The following CTNNA3 variants were observed in gnomAD, a reference collection of about 807,000 sequenced individuals.
The protein encoded by CTNNA3 is catenin alpha-3.
In CTNNA3, 76 loss-of-function variants were observed where a neutral mutation model predicts 95.7. That is an observed-to-expected ratio of 0.79 (90% CI 0.66 to 0.96). The LOEUF (loss-of-function observed/expected upper bound fraction) is 0.96. Among genes scored for constraint, CTNNA3 ranks in the 40% least tolerant of loss-of-function variants. CTNNA3 has a pLI of 0.00. For missense variants in CTNNA3, 1,191 were observed against 1,089.8 expected, an observed-to-expected ratio of 1.09 and a Z score of -1.31; for synonymous variants, 431 against 374.4, an observed-to-expected ratio of 1.15 and a Z score of -1.74.
At chr10:67,347,572 A>G (rs1842473994) in intron 5 of CTNNA3, among the ~76,000 whole-genome samples, 1 of 152,186 alleles carries the variant, frequency 6.6e-6, no homozygotes, top group Non-Finnish European at 1.5e-5. Flanking sequence ...GTATCCTTGT[A>G]GAATTTGAGT....
At chr10:67,187,796 G>A (rs1862928486) in intron 6 of CTNNA3, among the ~76,000 whole-genome samples, 1 of 152,084 alleles carries the variant, frequency 6.6e-6, no homozygotes, top group South Asian at 2.1e-4. Context: ...ATGTTGCCCA[G>A]GCTGGTCTCA....
chr10:67,524,289 G>A (rs539471692), intron 4 of CTNNA3, among the ~76,000 whole-genome samples: 9 of 151,652 alleles, frequency 5.9e-5, no homozygotes, highest in East Asian at 2.0e-4. Flanking sequence ...TGTAGTCCCC[G>A]CGGGAGGCTG....
At chr10:66,333,678 TGTG>T (rs1204948902) in intron 12 of CTNNA3, among the ~76,000 whole-genome samples, 4 of 151,734 alleles carry the variant, frequency 2.6e-5, no homozygotes, top group Admixed American at 1.3e-4. Context: ...ATAGGTGTGG[TGTG>T]GTGCTGAAAA....
At position 66,928,801 on chromosome 10, in the gene CTNNA3, C is replaced by A. The variant is rs552361916; in HGVS notation, c.1048-153277G>T. On this transcript the variant is annotated intron_variant, in intron 7 of 17. Coordinates refer to ENST00000433211, the MANE Select transcript of CTNNA3 (RefSeq NM_013266.4). The stretch of plus-strand genomic sequence containing the variant: ...GTAATCCCCCACATTCGCTGTTAGC[C>A]TCCTGGTGGGACCAAATCTACAGTT... Among the ~76,000 whole-genome samples, 8 of 152,246 alleles carry A rather than the reference C, an allele frequency of 5.3e-5. No individual in the cohort carries two copies. The South Asian group carries it at 1.7e-3, about 32-fold the overall frequency.
chr10:66,652,724 G>A (rs548159994), intron 9 of CTNNA3, among the ~76,000 whole-genome samples: 2 of 152,136 alleles, frequency 1.3e-5, no homozygotes, highest in South Asian at 4.2e-4. Context: ...GGTGAACATA[G>A]ATACAAATAT....
chr10:66,425,664 C>T (rs1376958019), intron 11 of CTNNA3, among the ~76,000 whole-genome samples: 1 of 149,076 alleles, frequency 6.7e-6, no homozygotes, highest in Admixed American at 6.8e-5. Context: ...GTGCTACATT[C>T]TTCATATAAA....
At chr10:66,327,148 T>C (rs1316233362) in intron 12 of CTNNA3, among the ~76,000 whole-genome samples, 1 of 152,066 alleles carries the variant, frequency 6.6e-6, no homozygotes, top group Non-Finnish European at 1.5e-5. Context: ...ACTAACTGAA[T>C]GTGACCCAGC....
At chr10:66,392,182 G>A (rs533797622) in intron 11 of CTNNA3, among the ~76,000 whole-genome samples, 11 of 152,224 alleles carry the variant, frequency 7.2e-5, no homozygotes, top group Admixed American at 5.2e-4. Flanking sequence ...TGTAATCCCA[G>A]CACTTTGGGA....
In CTNNA3 at chr10:67,606,938, CTAATAAATT is replaced by C; in HGVS notation, c.202_210del (p.Asn68_Leu70del). The stretch of plus-strand genomic sequence containing the variant: ...TCCTGGGCAATCTTCTCTCCCTTGT[CTAATAAATT>C]CCAAGTTGCTTCCTCCACAGAAGCT... On this transcript the variant is annotated inframe_deletion, in exon 3 of 18. Transcript: ENST00000433211. 1 of 1,614,096 alleles carries C rather than the reference CTAATAAATT, an allele frequency of 6.2e-7. No individual in the cohort carries two copies. The highest frequency in any genetic ancestry group is 8.5e-7 in the Non-Finnish European group (1 of 1,179,940).
At chr10:66,626,178 GA>G (rs1844928465) in intron 9 of CTNNA3, among the ~76,000 whole-genome samples, 1 of 152,020 alleles carries the variant, frequency 6.6e-6, no homozygotes, top group African/African-American at 2.4e-5. Flanking sequence ...AGTCATCTTA[GA>G]AAACTGAAAT....
chr10:66,294,806 G>C (rs1327916972), intron 12 of CTNNA3, among the ~76,000 whole-genome samples: 2 of 152,062 alleles, frequency 1.3e-5, no homozygotes, highest in East Asian at 3.9e-4. Context: ...AGGAAAGGAA[G>C]TCTCGATGGG....
At chr10:66,774,410 C>T (rs921228232) in intron 8 of CTNNA3, among the ~76,000 whole-genome samples, 5 of 152,298 alleles carry the variant, frequency 3.3e-5, no homozygotes, top group African/African-American at 4.8e-5. Context: ...CATCGTAAGA[C>T]AGGTTGTGCT....
chr10:66,773,651 A>G (rs1840184081), intron 8 of CTNNA3, among the ~76,000 whole-genome samples: 1 of 152,194 alleles, frequency 6.6e-6, no homozygotes, highest in African/African-American at 2.4e-5. Context: ...AGATGCAAAT[A>G]TCGTTGCTAC....
chr10:67,004,498 C>T (rs554533088), intron 7 of CTNNA3, among the ~76,000 whole-genome samples: 15 of 107,916 alleles, frequency 1.4e-4, no homozygotes. Flanking sequence ...ATGCTTCTTC[C>T]CTCAAAAAAT....
At chr10:67,541,451 T>G (rs902580175) in intron 3 of CTNNA3, among the ~76,000 whole-genome samples, 1 of 152,004 alleles carries the variant, frequency 6.6e-6, no homozygotes, top group Non-Finnish European at 1.5e-5. Flanking sequence ...CATGTTAGTA[T>G]GTCTCATTTA....
intron 11 of CTNNA3, among the ~76,000 whole-genome samples, chr10:66,496,259 A>C (rs1589333561): frequency 6.6e-6 from 1 of 152,146 alleles, no homozygotes; most frequent in East Asian, 1.9e-4. Context: ...TGATTTTTTA[A>C]AATTCCGTAG....
intron 3 of CTNNA3, among the ~76,000 whole-genome samples, chr10:67,576,713 C>T (rs1006047445): frequency 2.0e-5 from 2 of 100,636 alleles, no homozygotes; most frequent in Non-Finnish European, 3.7e-5. Flanking sequence ...CCTCCCCCCA[C>T]CCCACAACAG....
intron 2 of CTNNA3, among the ~76,000 whole-genome samples, chr10:67,641,333 C>T (rs1053451358): frequency 6.6e-5 from 10 of 152,032 alleles, no homozygotes; most frequent in South Asian, 4.2e-4. Context: ...GTTAGAATGG[C>T]AATCATTAAA....
chr10:66,986,893 C>T (rs1344857348), intron 7 of CTNNA3, among the ~76,000 whole-genome samples: 3 of 152,068 alleles, frequency 2.0e-5, no homozygotes, highest in African/African-American at 7.2e-5. Context: ...TACAGAAGTG[C>T]ACCAAATAGC....
Sources: gnomAD v4.1 joint callset for allele counts (sites outside exome capture counted in the v4.1 genomes callset) on GRCh38, gnomAD v4.1.1 for gene constraint, MANE v1.5 for transcripts, NCBI Gene and HGNC (gene_info 2026-07-23, HGNC 2026-07-21) for gene names.